NCMAP: variants seen among roughly 807,000 people sequenced by gnomAD.
NCMAP encodes noncompact myelin-associated protein.
In NCMAP, 8 loss-of-function variants were observed where a neutral mutation model predicts 7.8. The ratio of observed to expected loss-of-function variants is 1.02; its 90% CI spans 0.60 to 1.84. The LOEUF (loss-of-function observed/expected upper bound fraction) is 1.84, where lower values mean the gene tolerates loss of function less well. Ranked by LOEUF, NCMAP falls within the 40% of genes most tolerant of loss-of-function variation. NCMAP has a pLI of 0.00. For missense variants in NCMAP, 112 were observed against 131.4 expected (o/e 0.85, Z 0.72); for synonymous variants, 41 against 52.9 (o/e 0.78, Z 0.98).
intron 1 of NCMAP, among the ~76,000 whole-genome samples, chr1:24,572,248 T>C (rs571277718): frequency 1.9e-4 from 28 of 150,750 alleles, no homozygotes; most frequent in South Asian, 1.5e-3. Flanking sequence ...GGTGGATGGA[T>C]CACACTGAGG....
intron 1 of NCMAP, among the ~76,000 whole-genome samples, chr1:24,572,344 G>T (rs1264723379): frequency 2.7e-5 from 4 of 150,786 alleles, no homozygotes; most frequent in Non-Finnish European, 5.9e-5. Flanking sequence ...TAAATGTCAG[G>T]TCTGAGGCTC....
At chr1:24,567,578 C>T (rs1651263795) in intron 1 of NCMAP, among the ~76,000 whole-genome samples, 1 of 152,170 alleles carries the variant, frequency 6.6e-6, no homozygotes, top group Non-Finnish European at 1.5e-5. Context: ...TAACAATTAT[C>T]ATCTCCTTTG....
intron 1 of NCMAP, among the ~76,000 whole-genome samples, chr1:24,588,727 G>C (rs1288182966): frequency 6.6e-6 from 1 of 152,196 alleles, no homozygotes; most frequent in East Asian, 1.9e-4. Flanking sequence ...GAAAACAACA[G>C]TCCCTTGTAG....
chr1:24,586,869 G>A (rs1475626529), intron 1 of NCMAP, among the ~76,000 whole-genome samples: 1 of 152,102 alleles, frequency 6.6e-6, no homozygotes, highest in Non-Finnish European at 1.5e-5. Context: ...CTTTCAGCAG[G>A]TGTGCTGTGG....
rs1652532551 is a variant in NCMAP at position 24,602,375 on chromosome 1, GATCGAGACCACGGTGAAACCCCGTCT to G, written c.167+1352_167+1377del. Among the ~76,000 whole-genome samples, 43 of 148,956 alleles carry G rather than the reference GATCGAGACCACGGTGAAACCCCGTCT, an allele frequency of 2.9e-4. 3 individuals are homozygous for G. The highest frequency in any genetic ancestry group is 1.1e-3 in the African/African-American group (42 of 38,760). ...AGGCGGGCGGATCACGAGGTCAGGA[GATCGAGACCACGGTGAAACCCCGTCT>G]CTACTAAAAATACAAAAAATTAGCC... On this transcript the variant is annotated intron_variant, in intron 3 of 3. Coordinates refer to ENST00000374392, the MANE Select transcript of NCMAP (RefSeq NM_001010980.5).
chr1:24,563,832 A>G (rs1651131684), intron 1 of NCMAP: 1 of 152,248 alleles, frequency 6.6e-6, no homozygotes, highest in Non-Finnish European at 1.5e-5. Context: ...ATGCAGCGGG[A>G]GAAGGCTGGC....
At chr1:24,597,553 G>C in intron 2 of NCMAP, among the ~76,000 whole-genome samples, 1 of 45,734 alleles carries the variant, frequency 2.2e-5, no homozygotes, top group Non-Finnish European at 3.9e-5. Flanking sequence ...AGGGGGAGGA[G>C]AAGGGGGGGA....
intron 2 of NCMAP, among the ~76,000 whole-genome samples, chr1:24,596,582 G>T (rs900577949): frequency 4.0e-5 from 6 of 151,374 alleles, no homozygotes; most frequent in African/African-American, 1.5e-4. Flanking sequence ...TACACGGGGG[G>T]TGCTGAGGCA....
intron 1 of NCMAP, among the ~76,000 whole-genome samples, chr1:24,570,592 C>T (rs1348735923): frequency 1.3e-5 from 2 of 151,044 alleles, no homozygotes; most frequent in Non-Finnish European, 2.9e-5. Context: ...GATTCAGATC[C>T]AGGTCAGTCT....
intron 1 of NCMAP, among the ~76,000 whole-genome samples, chr1:24,573,971 A>AAAAAAAAAAAC (rs1337931415): frequency 2.2e-5 from 3 of 137,488 alleles, no homozygotes; most frequent in Non-Finnish European, 3.1e-5. Flanking sequence ...AAAAAAAAAA[A>AAAAAAAAAAAC]CAGAAAAAAG....
chr1:24,592,898 A>T (rs186317260), intron 1 of NCMAP, among the ~76,000 whole-genome samples: 1 of 145,756 alleles, frequency 6.9e-6, no homozygotes, highest in Non-Finnish European at 1.5e-5. Flanking sequence ...CAGCCTGGGC[A>T]ACAGAGCAAG....
At chr1:24,572,396 C>T (rs1170334511) in intron 1 of NCMAP, among the ~76,000 whole-genome samples, 1 of 150,764 alleles carries the variant, frequency 6.6e-6, no homozygotes, top group Non-Finnish European at 1.5e-5. Context: ...CTGACCTGCT[C>T]TTTCCCGAGG....
At chr1:24,575,352 G>A (rs1557595852) in intron 1 of NCMAP, among the ~76,000 whole-genome samples, 1 of 152,124 alleles carries the variant, frequency 6.6e-6, no homozygotes, top group African/African-American at 2.4e-5. Flanking sequence ...TACGCTGGGA[G>A]AGCCCCACAG....
chr1:24,556,473 T>A (rs1650899584), intron 1 of NCMAP, among the ~76,000 whole-genome samples: 1 of 152,234 alleles, frequency 6.6e-6, no homozygotes, highest in African/African-American at 2.4e-5. Context: ...CGAGGCTCGC[T>A]GGAAGAAAAG....
intron 1 of NCMAP, among the ~76,000 whole-genome samples, chr1:24,559,884 G>A (rs962776483): frequency 1.6e-4 from 25 of 152,208 alleles, no homozygotes; most frequent in African/African-American, 5.1e-4. Context: ...ATTTGTGGCC[G>A]GGCGCGGTGG....
chr1:24,559,463 T>G, intron 1 of NCMAP, among the ~76,000 whole-genome samples: 1 of 151,208 alleles, frequency 6.6e-6, no homozygotes, highest in Non-Finnish European at 1.5e-5. Context: ...AGGGCAGGGG[T>G]GTGGGTGAAG....
At chr1:24,591,362 G>T (rs1397146640) in intron 1 of NCMAP, among the ~76,000 whole-genome samples, 2 of 152,150 alleles carry the variant, frequency 1.3e-5, no homozygotes, top group African/African-American at 4.8e-5. Context: ...ACCTCCTGGA[G>T]GTTTAAGCGA....
rs1460325493 is a variant in NCMAP at position 24,606,711 on chromosome 1, T to A, written c.*964T>A. On this transcript the variant is annotated 3_prime_UTR_variant, in exon 4 of 4. Coordinates refer to ENST00000374392, the MANE Select transcript of NCMAP (RefSeq NM_001010980.5). ...CCATTTCTATTCTATAGCAACCTCG[T>A]CTGTGACTCCTTAGCCTGGAGAACA... The A allele has an allele frequency of 6.6e-6, 1 of 152,228 alleles. No individual in the cohort carries two copies. The highest frequency in any genetic ancestry group is 1.5e-5 in the Non-Finnish European group (1 of 68,038). 9.4% of individuals were successfully genotyped at this position (152,228 alleles called of 1,614,324 possible).
chr1:24,585,235 T>G (rs1557598877), intron 1 of NCMAP, among the ~76,000 whole-genome samples: 3 of 151,380 alleles, frequency 2.0e-5, no homozygotes, highest in African/African-American at 4.9e-5. Context: ...GAATAGAGGG[T>G]GAAGGAAATG....
Sources: allele counts gnomAD v4.1 joint callset (sites outside exome capture counted in the v4.1 genomes callset), GRCh38; gene constraint gnomAD v4.1.1; transcripts MANE v1.5; gene names NCBI Gene and HGNC (gene_info 2026-07-23, HGNC 2026-07-21).